PLPPR1: variants seen among roughly 807,000 people sequenced by gnomAD.
PLPPR1 encodes the protein phospholipid phosphatase-related protein type 1.
Under a neutral mutation model 33.1 loss-of-function variants are expected in PLPPR1, and 10 were observed. The observed-to-expected ratio is 0.30, with a 90% CI of 0.19 to 0.51. The LOEUF is 0.51. Ranked by LOEUF, PLPPR1 falls within the 20% of genes least tolerant of loss-of-function variation. The pLI, the probability that PLPPR1 is intolerant of heterozygous loss-of-function variation, is 0.97. For missense variants in PLPPR1, 304 were observed against 408.1 expected, an observed-to-expected ratio of 0.74 and a Z score of 2.20; for synonymous variants, 151 against 151.0, an observed-to-expected ratio of 1.00 and a Z score of 0.00.
chr9:101,172,640 TC>T, intron 1 of PLPPR1, among the ~76,000 whole-genome samples: 1 of 152,226 alleles, frequency 6.6e-6, no homozygotes, highest in Middle Eastern at 3.4e-3. Context: ...TGCTGAAGAC[TC>T]AAGGTCCCTC....
chr9:101,315,679 TAAGA>T (rs1207333140), intron 6 of PLPPR1, among the ~76,000 whole-genome samples: 1 of 152,078 alleles, frequency 6.6e-6, no homozygotes, highest in Admixed American at 6.5e-5. Context: ...TGCTCTGGCA[TAAGA>T]GAGACCACCC....
At chr9:101,283,976 A>T (rs1828345985) in intron 3 of PLPPR1, among the ~76,000 whole-genome samples, 1 of 152,186 alleles carries the variant, frequency 6.6e-6, no homozygotes, top group South Asian at 2.1e-4. Context: ...AAGATGAAAG[A>T]TAAATATTGG....
chr9:101,316,059 T>C (rs1829045115), intron 6 of PLPPR1, among the ~76,000 whole-genome samples: 1 of 152,132 alleles, frequency 6.6e-6, no homozygotes, highest in Non-Finnish European at 1.5e-5. Flanking sequence ...ACTTGCCCAA[T>C]AGCCATGCAA....
intron 3 of PLPPR1, among the ~76,000 whole-genome samples, chr9:101,275,781 G>T (rs922024071): frequency 1.1e-4 from 16 of 152,178 alleles, no homozygotes; most frequent in African/African-American, 3.6e-4. Context: ...AGTGACAGGG[G>T]AGTATTTAGT....
At position 101,264,449 on chromosome 9, in the gene PLPPR1, G is replaced by C. The variant is rs76437599; in HGVS notation, c.64-5431G>C. Among the ~76,000 whole-genome samples the C allele has an allele frequency of 8.4e-3, 1,279 of 151,950 alleles. 21 individuals carry two copies. Among genetic ancestry groups the C allele is most frequent in the African/African-American group, 0.029 (1,210 of 41,416 alleles). ...CCTTCCATTGTTCTCCTTCTATCAA[G>C]TCCCCTCCCAACCAGTTCACCAGGC... On this transcript the variant is annotated intron_variant, in intron 2 of 7. Coordinates refer to ENST00000374874, the MANE Select transcript of PLPPR1 (RefSeq NM_207299.2).
intron 3 of PLPPR1, among the ~76,000 whole-genome samples, chr9:101,283,958 AT>A (rs896704131): frequency 3.3e-5 from 5 of 152,292 alleles, no homozygotes; most frequent in African/African-American, 1.2e-4. Flanking sequence ...TAGAATGGCT[AT>A]TATCAAAAGA....
intron 1 of PLPPR1, among the ~76,000 whole-genome samples, chr9:101,111,659 G>A (rs1468906449): frequency 1.3e-5 from 2 of 152,162 alleles, no homozygotes; most frequent in Non-Finnish European, 2.9e-5. Context: ...GACAAACTAT[G>A]AAGCACTGTC....
chr9:101,226,928 G>A (rs1417034755), intron 2 of PLPPR1, among the ~76,000 whole-genome samples: 1 of 152,126 alleles, frequency 6.6e-6, no homozygotes, highest in Non-Finnish European at 1.5e-5. Flanking sequence ...TGTCCTGTTG[G>A]GTGGCAGATC....
chr9:101,114,220 G>A (rs539952940), intron 1 of PLPPR1, among the ~76,000 whole-genome samples: 2 of 152,284 alleles, frequency 1.3e-5, no homozygotes, highest in East Asian at 3.9e-4. Context: ...CTGCTTTAAT[G>A]TATCATTTCA....
chr9:101,212,675 A>G (rs62576888), intron 2 of PLPPR1, among the ~76,000 whole-genome samples: 1 of 152,160 alleles, frequency 6.6e-6, no homozygotes, highest in Non-Finnish European at 1.5e-5. Flanking sequence ...GTATTGTCAG[A>G]TGTATATTCT....
intron 1 of PLPPR1, among the ~76,000 whole-genome samples, chr9:101,144,506 C>T (rs1831497734): frequency 6.6e-6 from 1 of 152,150 alleles, no homozygotes; most frequent in Non-Finnish European, 1.5e-5. Context: ...CACAGAGACA[C>T]ACAGACTAAG....
At chr9:101,114,711 G>A (rs776598610) in intron 1 of PLPPR1, among the ~76,000 whole-genome samples, 11 of 152,308 alleles carry the variant, frequency 7.2e-5, no homozygotes, top group South Asian at 2.1e-4. Flanking sequence ...ATCTGGTTCT[G>A]GGACAGATGC....
chr9:101,176,616 T>C (rs1471112443), intron 1 of PLPPR1, among the ~76,000 whole-genome samples: 1 of 152,050 alleles, frequency 6.6e-6, no homozygotes, highest in Non-Finnish European at 1.5e-5. Flanking sequence ...GGACTCCACC[T>C]CTGTTAAGCA....
At chr9:101,099,397 G>A (rs1564144300) in intron 1 of PLPPR1, among the ~76,000 whole-genome samples, 1 of 152,076 alleles carries the variant, frequency 6.6e-6, no homozygotes, top group East Asian at 1.9e-4. Context: ...TCTGATTTCT[G>A]ACATATATTG....
At chr9:101,053,058 A>G (rs1830242915) in intron 1 of PLPPR1, among the ~76,000 whole-genome samples, 1 of 152,208 alleles carries the variant, frequency 6.6e-6, no homozygotes, top group South Asian at 2.1e-4. Context: ...CATTTTTGAT[A>G]TCTCCACTCA....
chr9:101,280,751 GA>G (rs762013029), intron 3 of PLPPR1, among the ~76,000 whole-genome samples: 6 of 151,898 alleles, frequency 4.0e-5, no homozygotes, highest in African/African-American at 7.2e-5. Context: ...TCATAAAACG[GA>G]GTATAGAAGG....
chr9:101,324,064 T>G lies in PLPPR1; in HGVS notation c.*7T>G, dbSNP rs1253172732. Reference sequence around the variant, plus strand: ...CATGACCGAAGTTACCTGAGACGACTGATGTGTCACAAGCTGTTTTTTAAA... The same window carrying G: ...CATGACCGAAGTTACCTGAGACGACGGATGTGTCACAAGCTGTTTTTTAAA... On this transcript the variant is annotated 3_prime_UTR_variant, in exon 8 of 8. Coordinates refer to ENST00000374874, the MANE Select transcript of PLPPR1 (RefSeq NM_207299.2). The G allele has an allele frequency of 3.7e-6, 6 of 1,610,772 alleles. No homozygotes were observed. In the African/African-American group the frequency reaches 6.7e-5, roughly 18 times the overall value.
intron 2 of PLPPR1, among the ~76,000 whole-genome samples, chr9:101,208,469 A>C (rs1249048780): frequency 6.6e-6 from 1 of 152,152 alleles, no homozygotes; most frequent in African/African-American, 2.4e-5. Context: ...TGTCTCTGTA[A>C]ACACTCTTAC....
intron 1 of PLPPR1, among the ~76,000 whole-genome samples, chr9:101,057,622 A>G (rs979199206): frequency 6.6e-6 from 1 of 152,148 alleles, no homozygotes; most frequent in African/African-American, 2.4e-5. Context: ...TTATATATTT[A>G]TACTAATTTG....
Sources: gnomAD v4.1 joint callset for allele counts (sites outside exome capture counted in the v4.1 genomes callset) on GRCh38, gnomAD v4.1.1 for gene constraint, MANE v1.5 for transcripts, NCBI Gene and HGNC (gene_info 2026-07-23, HGNC 2026-07-21) for gene names.